The following JPH4 variants were observed in gnomAD, a reference collection of about 807,000 sequenced individuals.
JPH4 encodes the protein junctophilin 4.
Under a neutral mutation model 57.6 loss-of-function variants are expected in JPH4, and 18 were observed. The ratio of observed to expected loss-of-function variants is 0.31; its 90% confidence interval spans 0.22 to 0.46. The LOEUF (loss-of-function observed/expected upper bound fraction) is 0.46, where lower values mean the gene tolerates loss of function less well. JPH4 is among the 20% of genes least tolerant of loss of function. The probability of loss-of-function intolerance (pLI) is 1.00; values close to 1 mark genes in which losing one functional copy is unlikely to be tolerated. For synonymous variants in JPH4, 425 were observed against 406.6 expected (o/e 1.05, Z -0.54); for missense variants, 727 against 911.1 (o/e 0.80, Z 2.60).
chr14:23,575,995 C>A lies in JPH4; in HGVS notation c.841G>T (p.Val281Leu). ...PALIEGSATE[V>L]YAGEWRADRR... ...TCTGCGCGCCACTCGCCCGCGTACA[C>A]CTCTGTGGCCGAGCCCTCGATGAGG... The change falls in exon 3 of 6, where the codon GTG becomes TTG. Residue 281 changes from valine to leucine, a missense_variant. This residue lies in a region of JPH4 where 112 missense variants were observed against 199.4 expected (regional missense o/e 0.56). Transcript: ENST00000356300. The surrounding 1 kb of genome is among the most constrained non-coding windows in gnomAD (Gnocchi z 6.9). 6.9e-7 allele frequency: 1 copy of A among 1,454,550 alleles called. No homozygotes were observed. Among genetic ancestry groups the A allele is most frequent in the Non-Finnish European group, 9.0e-7 (1 of 1,113,104 alleles). 90.1% of individuals were successfully genotyped at this position (1,454,550 alleles called of 1,614,324 possible).
rs1249130982 is a variant in JPH4, at chr14:23,571,589, C to A, written c.1271-129G>T. ...AGGCTCATAGCCTCTCACCGCCAGACCCCAAACCCCCCATTATCCTACTGC... is the reference window on the plus strand; with the variant it reads ...AGGCTCATAGCCTCTCACCGCCAGAACCCAAACCCCCCATTATCCTACTGC... On this transcript the variant is annotated intron_variant, in intron 4 of 5. Transcript: ENST00000356300. This position sits in a 1 kb window ranked among gnomAD's most constrained non-coding sequence, Gnocchi z 4.6. 5.9e-6 allele frequency: 7 copies of A among 1,177,418 alleles called. No individual in the cohort carries two copies. The African/African-American group carries it at 7.6e-5, about 13-fold the overall frequency. The allele number at this position is 1,177,418 out of a possible 1,614,324, so 72.9% of individuals were successfully genotyped here.
chr14:23,569,752 C>T lies in JPH4; in HGVS notation c.1804-35G>A, dbSNP rs1396440499. ...CAGAGGGGGAAGCAGACTCAGTCCC[C>T]GAGGACAGGGCCCACCTTCCTGCCC... On this transcript the variant is annotated intron_variant, in intron 5 of 5. Coordinates refer to ENST00000356300, the MANE Select transcript of JPH4 (RefSeq NM_001146028.2). This position sits in a 1 kb window ranked among gnomAD's most constrained non-coding sequence, Gnocchi z 4.8. 19 of 1,438,062 alleles carry T rather than the reference C, an allele frequency of 1.3e-5. No individual in the cohort carries two copies. Among genetic ancestry groups the T allele is most frequent in the South Asian group, 3.7e-5 (3 of 80,424 alleles). The allele number at this position is 1,438,062 out of a possible 1,614,324, so 89.1% of individuals were successfully genotyped here.
At chr14:23,573,736 AG>A (rs1322095551) in intron 3 of JPH4, among the ~76,000 whole-genome samples, 1 of 152,062 alleles carries the variant, frequency 6.6e-6, no homozygotes, top group Non-Finnish European at 1.5e-5. Flanking sequence ...CTGATCCTCT[AG>A]TTACTGAGAT....
At chr14:23,573,573 C>G (rs1889202184) in intron 3 of JPH4, among the ~76,000 whole-genome samples, 1 of 152,202 alleles carries the variant, frequency 6.6e-6, no homozygotes, top group Non-Finnish European at 1.5e-5. Flanking sequence ...ACACAGTAGA[C>G]TTAGTCTGTG....
rs1194572528 is a variant in JPH4 at position 23,576,478 on chromosome 14, GAGAA to G, written c.380-26_380-23del. On this transcript the variant is annotated intron_variant, in intron 2 of 5. Transcript: ENST00000356300. This position sits in a 1 kb window ranked among gnomAD's most constrained non-coding sequence, Gnocchi z 8.0. ...GTGCCTGCGGGCGGCGGAGGGGTGG[GAGAA>G]AGAGTCAGGACGTGCCGCTGGGCTC... 3 of 1,392,724 alleles carry G rather than the reference GAGAA, an allele frequency of 2.2e-6. No individual in the cohort carries two copies. 86.3% of individuals were successfully genotyped at this position (1,392,724 alleles called of 1,614,324 possible).
rs1394049494 is a variant in JPH4, at chr14:23,569,347, A to G, written c.*287T>C. The G allele has an allele frequency of 7.4e-6, 3 of 403,046 alleles. No homozygotes were observed. Among genetic ancestry groups the G allele is most frequent in the Non-Finnish European group, 1.4e-5 (3 of 216,492 alleles). The allele number at this position is 403,046 out of a possible 1,614,324, so 25.0% of individuals were successfully genotyped here. A position where few individuals can be genotyped will look rare whatever the true frequency, so the allele number is the denominator to read the frequency against. ...TTTGTGTGTCTCAGAGAAGACAGCA[A>G]CTCTGAGAGAGAAAAGCCCTTCATA... On this transcript the variant is annotated 3_prime_UTR_variant, in exon 6 of 6. Coordinates refer to ENST00000356300, the MANE Select transcript of JPH4 (RefSeq NM_001146028.2). The surrounding 1 kb of genome is among the most constrained non-coding windows in gnomAD (Gnocchi z 4.8).
rs978417283 is a variant in JPH4 at position 23,568,273 on chromosome 14, C to T, written c.*1361G>A. ...GTGTGGTGGGCATTCCTGGGCAAGG[C>T]CATTCCTTGAGGGAGGGGGTTGGCA... is the stretch of plus-strand genomic sequence containing the variant. On this transcript the variant is annotated 3_prime_UTR_variant, in exon 6 of 6. Transcript: ENST00000356300. The T allele has an allele frequency of 1.0e-6, 1 of 985,734 alleles. No homozygotes were observed. Among genetic ancestry groups the T allele is most frequent in the Admixed American group, 6.1e-5 (1 of 16,264 alleles). 61.1% of individuals were successfully genotyped at this position (985,734 alleles called of 1,614,324 possible).
chr14:23,568,962 G>A lies in JPH4; in HGVS notation c.*672C>T, dbSNP rs1888959474. 2 of 196,414 alleles carry A rather than the reference G, an allele frequency of 1.0e-5. No individual in the cohort carries two copies. Among genetic ancestry groups the A allele is most frequent in the African/African-American group, 2.4e-5 (1 of 42,246 alleles). The allele number at this position is 196,414 out of a possible 1,614,324, so 12.2% of individuals were successfully genotyped here. A position where few individuals can be genotyped will look rare whatever the true frequency, so the allele number is the denominator to read the frequency against. ...GGGCTGGCCGATGAGGAGAAAAAGA[G>A]GGAAATGCTGGGGAGTTACTCTACT... On this transcript the variant is annotated 3_prime_UTR_variant, in exon 6 of 6. Coordinates refer to ENST00000356300, the MANE Select transcript of JPH4 (RefSeq NM_001146028.2).
In JPH4 at chr14:23,577,042, A is replaced by G; in HGVS notation, c.379+33T>C. The G allele has an allele frequency of 6.8e-7, 1 of 1,479,004 alleles. No homozygotes were observed. The highest frequency in any genetic ancestry group is 2.5e-5 in the East Asian group (1 of 39,466). The allele number at this position is 1,479,004 out of a possible 1,614,324, so 91.6% of individuals were successfully genotyped here. A position where few individuals can be genotyped will look rare whatever the true frequency, so the allele number is the denominator to read the frequency against. Reference sequence around the variant, plus strand: ...AGGCTGGGGAAGGCGCACGCGGACGAGCAGACAGACACTGGTGGGCCGGGC... The same window carrying G: ...AGGCTGGGGAAGGCGCACGCGGACGGGCAGACAGACACTGGTGGGCCGGGC... On this transcript the variant is annotated intron_variant, in intron 2 of 5. Transcript: ENST00000356300. This position sits in a 1 kb window ranked among gnomAD's most constrained non-coding sequence, Gnocchi z 8.4.
chr14:23,577,439 GC>G lies in JPH4; in HGVS notation c.14del (p.Gly5AlafsTer87), dbSNP rs1414580198. 2 of 1,434,640 alleles carry G rather than the reference GC, an allele frequency of 1.4e-6. No individual in the cohort carries two copies. 88.9% of individuals were successfully genotyped at this position (1,434,640 alleles called of 1,614,324 possible). On this transcript the variant is annotated frameshift_variant, in exon 2 of 6. Coordinates refer to ENST00000356300, the MANE Select transcript of JPH4 (RefSeq NM_001146028.2). LOFTEE classifies it high-confidence loss of function. This position sits in a 1 kb window ranked among gnomAD's most constrained non-coding sequence, Gnocchi z 8.4. ...AGCCCCCGTCGTCAAAGTCGAACTT[GC>G]CCCCGGGGGACATGCATGTAGTTGG... MSPG[G>X]KFDFDDGGCY...
Position 23,575,727 on chromosome 14 carries a change from G to A in JPH4, c.1109C>T (p.Ala370Val). 1 of 1,596,424 alleles carries A rather than the reference G, an allele frequency of 6.3e-7. No individual in the cohort carries two copies. Among genetic ancestry groups the A allele is most frequent in the Admixed American group, 1.7e-5 (1 of 58,522 alleles). The change falls in exon 3 of 6, where the codon GCC becomes GTC. Residue 370 changes from alanine to valine, a missense_variant. Coordinates refer to ENST00000356300, the MANE Select transcript of JPH4 (RefSeq NM_001146028.2). The surrounding 1 kb of genome is among the most constrained non-coding windows in gnomAD (Gnocchi z 6.9). ...CTGGCGCTGACGGGCAGCACTCACG[G>A]CTCGACGGGCGCCCTCGACAGCCCT... ...VDRAVEGARRAVSAARQRQEI... is the reference protein window; with the variant it reads ...VDRAVEGARRVVSAARQRQEI...
chr14:23,569,216 T>G lies in JPH4; in HGVS notation c.*418A>C, dbSNP rs76222688. On this transcript the variant is annotated 3_prime_UTR_variant, in exon 6 of 6. Transcript: ENST00000356300. The surrounding 1 kb of genome is among the most constrained non-coding windows in gnomAD (Gnocchi z 4.8). ...CTCCTTCTTCATTTTCTTCCTCCTCTCCATTCAGCTTCCAGGAGTCTCCTT... is the reference window on the plus strand; with the variant it reads ...CTCCTTCTTCATTTTCTTCCTCCTCGCCATTCAGCTTCCAGGAGTCTCCTT... 2,956 of 212,672 alleles carry G rather than the reference T, an allele frequency of 0.014. 96 individuals carry two copies. The highest frequency in any genetic ancestry group is 0.065 in the African/African-American group (2,736 of 41,932). The allele number at this position is 212,672 out of a possible 1,614,324, so 13.2% of individuals were successfully genotyped here.
In JPH4 at chr14:23,577,415, GC is replaced by G. The variant is rs1338298196; in HGVS notation, c.38del (p.Gly13AlafsTer79). ...CCGCCTCCCAGCCCCCCACGTAGCA[GC>G]CCCCGTCGTCAAAGTCGAACTTGCC... ...PGGKFDFDDG[G>X]CYVGGWEAGR... On this transcript the variant is annotated frameshift_variant, in exon 2 of 6. Transcript: ENST00000356300. LOFTEE classifies it high-confidence loss of function. This position sits in a 1 kb window ranked among gnomAD's most constrained non-coding sequence, Gnocchi z 8.4. The G allele has an allele frequency of 1.4e-6, 2 of 1,450,382 alleles. No homozygotes were observed. Among genetic ancestry groups the G allele is most frequent in the Admixed American group, 2.6e-5 (1 of 38,784 alleles). The allele number at this position is 1,450,382 out of a possible 1,614,324, so 89.8% of individuals were successfully genotyped here.
chr14:23,572,257 C>G (rs550714474), intron 3 of JPH4, among the ~76,000 whole-genome samples: 121 of 152,198 alleles, frequency 8.0e-4, no homozygotes, highest in African/African-American at 2.7e-3. Context: ...CTATCCTGCC[C>G]CCTTCCCAGT....
chr14:23,577,520 G>A lies in JPH4; in HGVS notation c.-67C>T. ...CATCCTGGGACTGGAGAGCCTGCTG[G>A]GGGCCTTGGAGCCGGGCGAGGCCTC... is the stretch of plus-strand genomic sequence containing the variant. On this transcript the variant is annotated 5_prime_UTR_variant, in exon 2 of 6. Coordinates refer to ENST00000356300, the MANE Select transcript of JPH4 (RefSeq NM_001146028.2). This position sits in a 1 kb window ranked among gnomAD's most constrained non-coding sequence, Gnocchi z 8.4. 2.3e-6 allele frequency: 3 copies of A among 1,324,230 alleles called. No homozygotes were observed. Among genetic ancestry groups the A allele is most frequent in the Non-Finnish European group, 2.9e-6 (3 of 1,031,748 alleles). 82.0% of individuals were successfully genotyped at this position (1,324,230 alleles called of 1,614,324 possible). A position where few individuals can be genotyped will look rare whatever the true frequency, so the allele number is the denominator to read the frequency against.
chr14:23,570,048 T>C (rs1889065618), intron 5 of JPH4, among the ~76,000 whole-genome samples: 2 of 151,750 alleles, frequency 1.3e-5, no homozygotes, highest in Admixed American at 1.3e-4. Context: ...GGCAGAGGGA[T>C]GAAGGGGTGA....
At position 23,571,052 on chromosome 14, in the gene JPH4, G is replaced by C; in HGVS notation, c.1679C>G (p.Ala560Gly). ...EEPLPPLRAPAGTEPEPIAML... is the reference protein window; with the variant it reads ...EEPLPPLRAPGGTEPEPIAML... ...GGCGATGGGCTCAGGCTCCGTGCCT[G>C]CTGGGGCCCTCAGCGGGGGCAGGGG... The change falls in exon 5 of 6, where the codon GCA (alanine) becomes GGA (glycine). Residue 560 changes from alanine to glycine, a missense_variant. Physicochemically the swap from Ala to Gly is moderately conservative, Grantham distance 60. Around this residue, in one of 7 missense-constraint regions of JPH4, gnomAD observed 293 missense variants for 279.8 expected, o/e 1.05. Transcript: ENST00000356300. The surrounding 1 kb of genome is among the most constrained non-coding windows in gnomAD (Gnocchi z 4.6). 6.2e-7 allele frequency: 1 copy of C among 1,609,198 alleles called. No individual in the cohort carries two copies. Among genetic ancestry groups the C allele is most frequent in the Admixed American group, 1.7e-5 (1 of 59,706 alleles).
chr14:23,574,335 G>A (rs1017737767), intron 3 of JPH4, among the ~76,000 whole-genome samples: 7 of 151,920 alleles, frequency 4.6e-5, no homozygotes, highest in African/African-American at 1.4e-4. Context: ...CCACCACACC[G>A]AGCTAATTTT....
Position 23,568,669 on chromosome 14 carries a change from A to C in JPH4, c.*965T>G. ...CTATCCCCCAGAAGTGCCTCCTCCC[A>C]CCACAACTCCCAGAGTTGGGATGTG... On this transcript the variant is annotated 3_prime_UTR_variant, in exon 6 of 6. Coordinates refer to ENST00000356300, the MANE Select transcript of JPH4 (RefSeq NM_001146028.2). 1.0e-6 allele frequency: 1 copy of C among 985,866 alleles called. No homozygotes were observed. Among genetic ancestry groups the C allele is most frequent in the South Asian group, 4.7e-5 (1 of 21,284 alleles). The allele number at this position is 985,866 out of a possible 1,614,324, so 61.1% of individuals were successfully genotyped here. A position where few individuals can be genotyped will look rare whatever the true frequency, so the allele number is the denominator to read the frequency against.
Sources: gnomAD v4.1 joint callset for allele counts (sites outside exome capture counted in the v4.1 genomes callset) on GRCh38, gnomAD v4.1.1 for gene constraint, gnomAD v4.1.1 regional missense constraint, Gnocchi (gnomAD v3.1) non-coding constraint, MANE v1.5 for transcripts, NCBI Gene and HGNC (gene_info 2026-07-23, HGNC 2026-07-21) for gene names.